The following DPP10 variants were observed in gnomAD, a reference collection of about 807,000 sequenced individuals.
DPP10 encodes inactive dipeptidyl peptidase 10.
A neutral mutation model predicts 120.9 loss-of-function variants in DPP10; 33 were observed. The observed-to-expected ratio is 0.27, with a 90% CI of 0.21 to 0.37. The LOEUF (loss-of-function observed/expected upper bound fraction) is 0.37. Among genes scored for constraint, DPP10 ranks in the 10% least tolerant of loss-of-function variants. DPP10 has a pLI of 1.00. For synonymous variants in DPP10, 337 were observed against 326.1 expected (o/e 1.03, Z -0.36); for missense variants, 816 against 942.8 (o/e 0.87, Z 1.76).
chr2:114,664,626 CAA>C (rs374561367), intron 1 of DPP10, among the ~76,000 whole-genome samples: 9,164 of 80,970 alleles, frequency 0.11, 298 homozygotes, highest in Admixed American at 0.22. Context: ...GACTCCGTCT[CAA>C]AAAAAAAAAA....
intron 3 of DPP10, among the ~76,000 whole-genome samples, chr2:115,398,258 T>C (rs1409239660): frequency 1.3e-5 from 2 of 152,094 alleles, no homozygotes; most frequent in African/African-American, 4.8e-5. Flanking sequence ...GAAATTGGAA[T>C]ATCTCTTTCC....
intron 1 of DPP10, among the ~76,000 whole-genome samples, chr2:114,547,147 G>A (rs1455401402): frequency 6.6e-6 from 1 of 152,258 alleles, no homozygotes; most frequent in Non-Finnish European, 1.5e-5. Context: ...CCCTGCAGTT[G>A]CTGCTTTGAG....
chr2:115,428,411 G>T (rs2070674794), intron 3 of DPP10, among the ~76,000 whole-genome samples: 1 of 152,102 alleles, frequency 6.6e-6, no homozygotes. Flanking sequence ...AGGTTTACTT[G>T]GCTCTTGGTT....
At chr2:115,082,596 A>G (rs1708364210) in intron 1 of DPP10, among the ~76,000 whole-genome samples, 1 of 152,224 alleles carries the variant, frequency 6.6e-6, no homozygotes, top group African/African-American at 2.4e-5. Flanking sequence ...TAATCTGAGT[A>G]GTCTCAAGAA....
rs559163248 is a variant in DPP10, at chr2:115,152,643, C to A, written c.61-156596C>A. On this transcript the variant is annotated intron_variant, in intron 1 of 25. Transcript: ENST00000410059. ...GTTTGTCTGGATTTTCTCTTTCCTG[C>A]ATTTTTATTATGTCTATTCAGTTCA... Among the ~76,000 whole-genome samples the A allele has an allele frequency of 4.6e-5, 7 of 152,240 alleles. No individual in the cohort carries two copies. The South Asian group carries it at 6.2e-4, about 14-fold the overall frequency.
intron 7 of DPP10, among the ~76,000 whole-genome samples, chr2:115,711,117 G>T (rs1449784008): frequency 6.6e-6 from 1 of 152,136 alleles, no homozygotes. Flanking sequence ...ACAATAGCAT[G>T]CAGATAAAGC....
chr2:115,073,732 A>G (rs931708047), intron 1 of DPP10, among the ~76,000 whole-genome samples: 7 of 152,236 alleles, frequency 4.6e-5, no homozygotes, highest in Non-Finnish European at 8.8e-5. Flanking sequence ...TCCTCACTCT[A>G]TAAAGTAGAG....
chr2:115,221,754 G>GTTTTTTT (rs56077672), intron 1 of DPP10, among the ~76,000 whole-genome samples: 194 of 120,122 alleles, frequency 1.6e-3, no homozygotes, highest in African/African-American at 2.3e-3. Context: ...GTTTGTTTCT[G>GTTTTTTT]TTTTTTTTTT....
At chr2:115,787,309 G>T (rs955630134) in intron 17 of DPP10, among the ~76,000 whole-genome samples, 3 of 152,122 alleles carry the variant, frequency 2.0e-5, no homozygotes, top group African/African-American at 7.2e-5. Flanking sequence ...AGAAATGACA[G>T]AGATGATGGA....
chr2:115,214,111 CATA>C (rs943113433), intron 1 of DPP10, among the ~76,000 whole-genome samples: 2 of 152,310 alleles, frequency 1.3e-5, no homozygotes, highest in Non-Finnish European at 2.9e-5. Flanking sequence ...GGGGAGGAAA[CATA>C]ATATCCTGGC....
intron 1 of DPP10, among the ~76,000 whole-genome samples, chr2:115,236,709 GA>G (rs1449024563): frequency 2.6e-5 from 4 of 152,276 alleles, no homozygotes; most frequent in Admixed American, 6.5e-5. Context: ...CTGAGGATTA[GA>G]AAGACAATTT....
intron 5 of DPP10, among the ~76,000 whole-genome samples, chr2:115,684,586 G>A (rs768708452): frequency 6.6e-5 from 10 of 151,606 alleles, no homozygotes; most frequent in Admixed American, 2.0e-4. Context: ...TATTCTCCAG[G>A]CCATGAAAAT....
intron 3 of DPP10, among the ~76,000 whole-genome samples, chr2:115,347,459 CT>C (rs1298030510): frequency 6.6e-6 from 1 of 152,020 alleles, no homozygotes; most frequent in Non-Finnish European, 1.5e-5. Flanking sequence ...TTATGGTTTG[CT>C]TGGAAAGAGG....
At chr2:114,504,147 A>C (rs1683432186) in intron 1 of DPP10, among the ~76,000 whole-genome samples, 1 of 152,166 alleles carries the variant, frequency 6.6e-6, no homozygotes, top group Admixed American at 6.6e-5. Flanking sequence ...TAAATTTTCA[A>C]CATTCTTATT....
At chr2:115,435,384 G>A (rs1284269909) in intron 3 of DPP10, among the ~76,000 whole-genome samples, 7 of 151,690 alleles carry the variant, frequency 4.6e-5, no homozygotes, top group African/African-American at 1.7e-4. Context: ...TTTGATAACA[G>A]CTCTTTTAAC....
chr2:115,487,377 A>G (rs1437882536), intron 3 of DPP10, among the ~76,000 whole-genome samples: 6 of 85,120 alleles, frequency 7.0e-5, no homozygotes, highest in African/African-American at 3.0e-4. Context: ...GGAAAAAACT[A>G]CTTTAAAGTT....
intron 15 of DPP10, 51 bp downstream of exon 15, chr2:115,777,885 T>C: frequency 6.3e-7 from 1 of 1,576,846 alleles, no homozygotes; most frequent in Admixed American, 1.7e-5. Context: ...TCAATGGCTA[T>C]CTATGTAGCA....
At chr2:115,614,467 C>A (rs969443659) in intron 5 of DPP10, among the ~76,000 whole-genome samples, 1 of 152,130 alleles carries the variant, frequency 6.6e-6, no homozygotes, top group African/African-American at 2.4e-5. Context: ...ACTTTCTTGC[C>A]CAGGCTGGAG....
At chr2:115,026,399 C>T (rs906038749) in intron 1 of DPP10, among the ~76,000 whole-genome samples, 2 of 152,074 alleles carry the variant, frequency 1.3e-5, no homozygotes, top group African/African-American at 2.4e-5. Flanking sequence ...ATGCCAGTAC[C>T]ATACAGATTA....
Sources: gnomAD v4.1 joint callset for allele counts (sites outside exome capture counted in the v4.1 genomes callset) on GRCh38, gnomAD v4.1.1 for gene constraint, MANE v1.5 for transcripts, NCBI Gene and HGNC (gene_info 2026-07-23, HGNC 2026-07-21) for gene names.